DCHS1: variants seen among roughly 807,000 people sequenced by gnomAD.
The protein encoded by DCHS1 is protocadherin-16.
In DCHS1, 78 loss-of-function variants were observed where a neutral mutation model predicts 213.9. The ratio of observed to expected loss-of-function variants is 0.36; its 90% confidence interval spans 0.30 to 0.44. DCHS1 has a LOEUF of 0.44. DCHS1 is among the 20% of genes least tolerant of loss of function. The pLI, the probability that DCHS1 is intolerant of heterozygous loss-of-function variation, is 1.00. For synonymous variants in DCHS1, 1,828 were observed against 1,873.7 expected (o/e 0.98, Z 0.63); for missense variants, 3,946 against 4,395.9 (o/e 0.90, Z 2.89).
At position 6,629,558 on chromosome 11, in the gene DCHS1, A is replaced by C. The variant is rs775405193; in HGVS notation, c.5055T>G (p.Thr1685=). ...DPDVGANGQV[T]YGGVSSESFS... Reference sequence around the variant, plus strand: ...AGCTTTCGCTAGAGACGCCTCCATAAGTCACTTGCCCGTTGGCCCCTGAGG... The same window carrying C: ...AGCTTTCGCTAGAGACGCCTCCATACGTCACTTGCCCGTTGGCCCCTGAGG... Residue 1685 remains threonine (T), a synonymous_variant, in exon 12 of 21, where the codon ACT becomes ACG. Coordinates refer to ENST00000299441, the MANE Select transcript of DCHS1 (RefSeq NM_003737.4). 6.2e-7 allele frequency: 1 copy of C among 1,613,720 alleles called. No individual in the cohort carries two copies. Among genetic ancestry groups the C allele is most frequent in the Non-Finnish European group, 8.5e-7 (1 of 1,179,740 alleles).
rs746058224 is a variant in DCHS1 at position 6,627,525 on chromosome 11, C to T, written c.5514G>A (p.Thr1838=). The part of the protein sequence containing the change: ...RDGGQPALSA[T]LLLTVTVLDA... ...CCAGCACTGTCACTGTCAAAAGCAG[C>T]GTGGCACTGAGAGCTGGCTGGCCTC... The change falls in exon 14 of 21, where the codon ACG becomes ACA. Residue 1838 remains threonine (T), a synonymous_variant. Transcript: ENST00000299441. The surrounding 1 kb of genome is among the most constrained non-coding windows in gnomAD (Gnocchi z 5.4). 3 of 1,612,280 alleles carry T rather than the reference C, an allele frequency of 1.9e-6. No individual in the cohort carries two copies. Among genetic ancestry groups the T allele is most frequent in the East Asian group, 2.2e-5 (1 of 44,854 alleles).
In DCHS1 at chr11:6,630,137, G is replaced by C; in HGVS notation, c.4657C>G (p.Arg1553Gly). 6.2e-7 allele frequency: 1 copy of C among 1,604,862 alleles called. No individual in the cohort carries two copies. Among genetic ancestry groups the C allele is most frequent in the Non-Finnish European group, 8.5e-7 (1 of 1,175,084 alleles). ...CCAGGCGGCTGGTCCTCTGGGAGGC[G>C]CACGCGTGACGGCGAGGCGAAGACA... ...APVFASPSRV[R>G]LPEDQPPGPA... The change falls in exon 10 of 21, where the codon CGC becomes GGC. Residue 1553 changes from arginine to glycine, a missense_variant. Arg to Gly is a moderately radical substitution (Grantham distance 125). Coordinates refer to ENST00000299441, the MANE Select transcript of DCHS1 (RefSeq NM_003737.4).
rs573455014 is a variant in DCHS1, at chr11:6,646,954, C to G, written c.-120-5221G>C. Among the ~76,000 whole-genome samples the G allele has an allele frequency of 2.0e-5, 3 of 152,084 alleles. No individual in the cohort carries two copies. In the South Asian group the frequency reaches 6.2e-4, roughly 32 times the overall value. ...GGGGACTACAAGGGAAGGGGGTGCT[C>G]CAGGAGGAAGTAGAGGAGTGGCCCG... On this transcript the variant is annotated intron_variant, in intron 1 of 20. Coordinates refer to ENST00000299441, the MANE Select transcript of DCHS1 (RefSeq NM_003737.4).
At position 6,622,334 on chromosome 11, in the gene DCHS1, G is replaced by A. The variant is rs371537644; in HGVS notation, c.9342C>T (p.Ala3114=). 3 of 1,601,868 alleles carry A rather than the reference G, an allele frequency of 1.9e-6. No individual in the cohort carries two copies. The highest frequency in any genetic ancestry group is 1.7e-5 in the Admixed American group (1 of 58,572). ...ATLYREEGPP[A]TATAFLGGCG... Reference sequence around the variant, plus strand: ...AGCCCCCCAGGAAGGCTGTGGCAGTGGCTGGGGGCCCCTCCTCTCTGTAGA... The same window carrying A: ...AGCCCCCCAGGAAGGCTGTGGCAGTAGCTGGGGGCCCCTCCTCTCTGTAGA... Residue 3114 remains alanine (A), a synonymous_variant, in exon 21 of 21, where the codon GCC becomes GCT. Coordinates refer to ENST00000299441, the MANE Select transcript of DCHS1 (RefSeq NM_003737.4). The surrounding 1 kb of genome is among the most constrained non-coding windows in gnomAD (Gnocchi z 5.4).
chr11:6,621,918 C>A lies in DCHS1; in HGVS notation c.9758G>T (p.Ser3253Ile), dbSNP rs1310311459. The A allele has an allele frequency of 2.5e-6, 4 of 1,613,284 alleles. No individual in the cohort carries two copies. Among genetic ancestry groups the A allele is most frequent in the Non-Finnish European group, 3.4e-6 (4 of 1,179,600 alleles). Residue 3253 changes from serine to isoleucine, a missense_variant, in exon 21 of 21, where the codon AGC (serine) becomes ATC (isoleucine). Coordinates refer to ENST00000299441, the MANE Select transcript of DCHS1 (RefSeq NM_003737.4). ...GSLSSAAMSP[S>I]FSPSLSPLAA... is the part of the protein sequence containing the mutation. ...CAGAGGAGACAGAGAGGGTGAGAAG[C>A]TGGGGGACATGGCAGCTGAGGACAG... is the stretch of plus-strand genomic sequence containing the variant.
chr11:6,625,728 C>G lies in DCHS1; in HGVS notation c.6732-1G>C. ...TCTGTCTGTGGCCATCAGCACCAACCTGGACACAAAGCACAATCATCGGGT... is the reference window on the plus strand; with the variant it reads ...TCTGTCTGTGGCCATCAGCACCAACGTGGACACAAAGCACAATCATCGGGT... On this transcript the variant is annotated splice_acceptor_variant, in intron 17 of 20. Transcript: ENST00000299441. LOFTEE classifies it high-confidence loss of function. The surrounding 1 kb of genome is among the most constrained non-coding windows in gnomAD (Gnocchi z 5.3). 1 of 1,602,138 alleles carries G rather than the reference C, an allele frequency of 6.2e-7. No individual in the cohort carries two copies. The highest frequency in any genetic ancestry group is 8.5e-7 in the Non-Finnish European group (1 of 1,174,578).
chr11:6,640,369 G>T lies in DCHS1; in HGVS notation c.1245C>A (p.Ser415Arg), dbSNP rs117368891. 8.0e-3 allele frequency: 12,967 copies of T among 1,613,468 alleles called. 74 individuals carry two copies. Among genetic ancestry groups the T allele is most frequent in the Non-Finnish European group, 9.9e-3 (11,637 of 1,179,612 alleles). ...LEGGEGHFALSTQDSVIYLVC... is the reference protein window; with the variant it reads ...LEGGEGHFALRTQDSVIYLVC... ...CCAGATAGATGACGCTGTCTTGGGTGCTTAGGGCAAAGTGGCCCTCTCCAC... is the reference window on the plus strand; with the variant it reads ...CCAGATAGATGACGCTGTCTTGGGTTCTTAGGGCAAAGTGGCCCTCTCCAC... Residue 415 changes from serine (S) to arginine (R), a missense_variant, in exon 2 of 21, where the codon AGC becomes AGA. Coordinates refer to ENST00000299441, the MANE Select transcript of DCHS1 (RefSeq NM_003737.4). This position sits in a 1 kb window ranked among gnomAD's most constrained non-coding sequence, Gnocchi z 6.5.
At position 6,624,876 on chromosome 11, in the gene DCHS1, G is replaced by A. The variant is rs367851277; in HGVS notation, c.7147-8C>T. On this transcript the variant is annotated splice_polypyrimidine_tract_variant and splice_region_variant and intron_variant, in intron 19 of 20. Coordinates refer to ENST00000299441, the MANE Select transcript of DCHS1 (RefSeq NM_003737.4). The stretch of plus-strand genomic sequence containing the variant: ...GTGCTCAAGCAGCATTACCTGAAGT[G>A]TGAGGAAAAGTGCTTATTGCCAGGC... 1.2e-6 allele frequency: 2 copies of A among 1,613,498 alleles called. No homozygotes were observed. Among genetic ancestry groups the A allele is most frequent in the African/African-American group, 2.7e-5 (2 of 74,902 alleles).
chr11:6,622,459 C>A lies in DCHS1; in HGVS notation c.9217G>T (p.Ala3073Ser), dbSNP rs1023747102. ...CAGGATGTGTCACTCAGACCATCTG[C>A]ATCCTGCTGGATGCCTGAGTCAGGG... is the stretch of plus-strand genomic sequence containing the variant. ...RGPDSGIQQD[A>S]DGLSDTSCEP... is the part of the protein sequence containing the mutation. The change falls in exon 21 of 21, where the codon GCA becomes TCA. Residue 3073 changes from alanine to serine, a missense_variant. This residue lies in a region of DCHS1 where 554 missense variants were observed against 590.2 expected (regional missense o/e 0.94). Coordinates refer to ENST00000299441, the MANE Select transcript of DCHS1 (RefSeq NM_003737.4). The surrounding 1 kb of genome is among the most constrained non-coding windows in gnomAD (Gnocchi z 5.4). 6.4e-7 allele frequency: 1 copy of A among 1,563,384 alleles called. No individual in the cohort carries two copies. Among genetic ancestry groups the A allele is most frequent in the African/African-American group, 1.4e-5 (1 of 73,792 alleles).
intron 1 of DCHS1, among the ~76,000 whole-genome samples, chr11:6,647,452 C>G (rs539571231): frequency 7.9e-5 from 12 of 152,128 alleles, no homozygotes; most frequent in African/African-American, 2.9e-4. Flanking sequence ...GAGCAGTGCC[C>G]GGGCCTGGCT....
intron 1 of DCHS1, among the ~76,000 whole-genome samples, chr11:6,650,198 T>A (rs1856223490): frequency 6.6e-6 from 1 of 152,168 alleles, no homozygotes; most frequent in South Asian, 2.1e-4. Flanking sequence ...ACAAGCTTCT[T>A]CTATCCAGTA....
At position 6,626,949 on chromosome 11, in the gene DCHS1, G is replaced by C. The variant is rs774099738; in HGVS notation, c.6090C>G (p.Gly2030=). The C allele has an allele frequency of 3.1e-6, 5 of 1,613,640 alleles. No individual in the cohort carries two copies. In the African/African-American group the frequency reaches 6.7e-5, roughly 22 times the overall value. The stretch of plus-strand genomic sequence containing the variant: ...CAATGAAGAGGACACGATCTCGGGG[G>C]CCTAGAGCTACAGGAGAGCGGGCCA... ...IRVARSPVAL[G]PRDRVLFIVA... is the part of the protein sequence containing the mutation. The change falls in exon 14 of 21, where the codon GGC becomes GGG. Residue 2030 remains glycine, a synonymous_variant. Transcript: ENST00000299441. The surrounding 1 kb of genome is among the most constrained non-coding windows in gnomAD (Gnocchi z 5.2).
At chr11:6,643,657 A>C (rs1856113040) in intron 1 of DCHS1, among the ~76,000 whole-genome samples, 1 of 151,646 alleles carries the variant, frequency 6.6e-6, no homozygotes, top group South Asian at 2.1e-4. Context: ...CACTCTCCAT[A>C]CTCTGCCTGC....
rs1855768528 is a variant in DCHS1, at chr11:6,624,885, A to C, written c.7147-17T>G. The stretch of plus-strand genomic sequence containing the variant: ...CAGCATTACCTGAAGTGTGAGGAAA[A>C]GTGCTTATTGCCAGGCTTCCCATTT... On this transcript the variant is annotated splice_polypyrimidine_tract_variant and intron_variant, in intron 19 of 20. Coordinates refer to ENST00000299441, the MANE Select transcript of DCHS1 (RefSeq NM_003737.4). The C allele has an allele frequency of 6.2e-7, 1 of 1,613,218 alleles. No individual in the cohort carries two copies. Among genetic ancestry groups the C allele is most frequent in the Non-Finnish European group, 8.5e-7 (1 of 1,179,594 alleles).
chr11:6,634,073 T>C, intron 3 of DCHS1, 45 bp downstream of exon 3: 1 of 1,600,836 alleles, frequency 6.2e-7, no homozygotes, highest in Non-Finnish European at 8.5e-7. Flanking sequence ...CCCTGGTGAG[T>C]GCCCTACCCC....
Position 6,623,209 on chromosome 11 carries a change from G to A in DCHS1, c.8467C>T (p.Pro2823Ser). 2 of 1,600,082 alleles carry A rather than the reference G, an allele frequency of 1.2e-6. No homozygotes were observed. Among genetic ancestry groups the A allele is most frequent in the Non-Finnish European group, 1.7e-6 (2 of 1,173,156 alleles). The change falls in exon 21 of 21, where the codon CCC (proline) becomes TCC (serine). Residue 2823 changes from proline (P) to serine (S), a missense_variant. Pro to Ser is a moderately conservative substitution (Grantham distance 74, BLOSUM62 -1). This residue lies in a region of DCHS1 where 3,384 missense variants were observed against 3,780.1 expected (regional missense o/e 0.90). Transcript: ENST00000299441. The part of the protein sequence containing the change: ...FLAPAFHFQV[P>S]EGARRGHSLG... ...CTGTGGCCACGCCGGGCACCTTCGGGCACTTGGAAGTGGAAAGCTGGTGCC... is the reference window on the plus strand; with the variant it reads ...CTGTGGCCACGCCGGGCACCTTCGGACACTTGGAAGTGGAAAGCTGGTGCC...
chr11:6,633,124 T>C, intron 5 of DCHS1, 68 bp from the exon 6 acceptor site: 1 of 1,524,272 alleles, frequency 6.6e-7, no homozygotes. Context: ...ACCCAGAGTC[T>C]GATCCCGAGA....
In DCHS1 at chr11:6,641,161, C is replaced by A. The variant is rs1856067621; in HGVS notation, c.453G>T (p.Gln151His). 1 of 1,613,490 alleles carries A rather than the reference C, an allele frequency of 6.2e-7. No individual in the cohort carries two copies. The highest frequency in any genetic ancestry group is 1.3e-5 in the African/African-American group (1 of 74,942). The change falls in exon 2 of 21, where the codon CAG (glutamine) becomes CAT (histidine). Residue 151 changes from glutamine to histidine, a missense_variant. Around this residue, in one of 3 missense-constraint regions of DCHS1, gnomAD observed 3,384 missense variants for 3,780.1 expected, o/e 0.90. Coordinates refer to ENST00000299441, the MANE Select transcript of DCHS1 (RefSeq NM_003737.4). The surrounding 1 kb of genome is among the most constrained non-coding windows in gnomAD (Gnocchi z 7.1). ...TGCCAAAAGCTGTATGCTCAGGTAC[C>A]TGCAGGGCAGCCCGAGCCTGTGGGA... is the stretch of plus-strand genomic sequence containing the variant. ...PAFPQARAAL[Q>H]VPEHTAFGTR...
In DCHS1 at chr11:6,640,686, G is replaced by C; in HGVS notation, c.928C>G (p.His310Asp). ...EGDGPFSIDA[H>D]TGLLQLERPL... ...CGCTCTAACTGCAGCAGCCCCGTGTGTGCGTCGATGGAGAAGGGTCCATCA... is the reference window on the plus strand; with the variant it reads ...CGCTCTAACTGCAGCAGCCCCGTGTCTGCGTCGATGGAGAAGGGTCCATCA... The change falls in exon 2 of 21, where the codon CAC (histidine) becomes GAC (aspartate). Residue 310 changes from histidine to aspartate, a missense_variant. His to Asp is a moderately conservative substitution (Grantham distance 81). Transcript: ENST00000299441. The surrounding 1 kb of genome is among the most constrained non-coding windows in gnomAD (Gnocchi z 6.5). 1 of 1,613,458 alleles carries C rather than the reference G, an allele frequency of 6.2e-7. No homozygotes were observed. The highest frequency in any genetic ancestry group is 8.5e-7 in the Non-Finnish European group (1 of 1,179,880).
Sources: allele counts gnomAD v4.1 joint callset (sites outside exome capture counted in the v4.1 genomes callset), GRCh38; gene constraint gnomAD v4.1.1; regional missense constraint gnomAD v4.1.1; non-coding constraint Gnocchi (gnomAD v3.1); transcripts MANE v1.5; gene names NCBI Gene and HGNC (gene_info 2026-07-23, HGNC 2026-07-21).